PSMA1: variants seen among roughly 807,000 people sequenced by gnomAD.
PSMA1 encodes proteasome 20S subunit alpha 1, also known as proteasome subunit alpha type-1.
A neutral mutation model predicts 38.4 loss-of-function variants in PSMA1; 3 were observed. The ratio of observed to expected loss-of-function variants is 0.08; its 90% CI spans 0.04 to 0.20. PSMA1 has a LOEUF of 0.20. Ranked by LOEUF, PSMA1 falls within the 10% of genes least tolerant of loss-of-function variation. PSMA1 has a pLI of 1.00. For missense variants in PSMA1, 227 were observed against 325.3 expected, an observed-to-expected ratio of 0.70 and a Z score of 2.32; for synonymous variants, 101 against 107.1, an observed-to-expected ratio of 0.94 and a Z score of 0.35.
chr11:14,633,293 T>C (rs1307867247), intron 1 of PSMA1, among the ~76,000 whole-genome samples: 12 of 152,306 alleles, frequency 7.9e-5, no homozygotes, highest in African/African-American at 9.6e-5. Flanking sequence ...TCTTTGATGA[T>C]GGTGATGTAC....
chr11:14,575,261 T>C (rs1227620147), intron 2 of PSMA1, among the ~76,000 whole-genome samples: 1 of 152,164 alleles, frequency 6.6e-6, no homozygotes, highest in Non-Finnish European at 1.5e-5. Flanking sequence ...AAAAATTTAT[T>C]ATAGTTTAAT....
At chr11:14,527,274 C>G (rs1341591604) in intron 2 of PSMA1, among the ~76,000 whole-genome samples, 1 of 152,158 alleles carries the variant, frequency 6.6e-6, no homozygotes, top group African/African-American at 2.4e-5. Flanking sequence ...TTTTCTCCTT[C>G]TCATCAGTCA....
intron 8 of PSMA1, 150 bp downstream of exon 8, chr11:14,510,722 G>T: frequency 6.7e-6 from 3 of 447,124 alleles, no homozygotes; most frequent in Non-Finnish European, 1.2e-5. Flanking sequence ...AATAAAATTG[G>T]ATTACTTAGC....
chr11:14,635,446 G>A (rs1853102731), intron 1 of PSMA1, among the ~76,000 whole-genome samples: 1 of 152,312 alleles, frequency 6.6e-6, no homozygotes, highest in East Asian at 1.9e-4. Flanking sequence ...ATTGATGTTA[G>A]GTTAAGAACT....
intron 2 of PSMA1, among the ~76,000 whole-genome samples, chr11:14,594,459 A>C (rs552045556): frequency 2.6e-5 from 4 of 152,316 alleles, no homozygotes; most frequent in African/African-American, 9.6e-5. Flanking sequence ...TGTCTAGACC[A>C]AGACATGTAG....
At chr11:14,519,094 A>T in intron 1 of PSMA1, 53 bp from the exon 2 acceptor site, 1 of 1,349,946 alleles carries the variant, frequency 7.4e-7, no homozygotes, top group African/African-American at 1.5e-5. Context: ...TCAAATCCCA[A>T]CTCTTAACAT....
At chr11:14,609,614 C>T (rs1317702669) in intron 2 of PSMA1, among the ~76,000 whole-genome samples, 2 of 152,058 alleles carry the variant, frequency 1.3e-5, no homozygotes, top group East Asian at 1.9e-4. Flanking sequence ...AGCCATGTGC[C>T]TATGTAGTGA....
chr11:14,592,394 ATTT>A (rs757886405), intron 2 of PSMA1, among the ~76,000 whole-genome samples: 16,298 of 137,098 alleles, frequency 0.12, 1,085 homozygotes, highest in African/African-American at 0.19. Context: ...ATATATATAT[ATTT>A]TTTTTTTAGA....
At chr11:14,509,831 C>A (rs1402476868) in intron 8 of PSMA1, among the ~76,000 whole-genome samples, 1 of 150,150 alleles carries the variant, frequency 6.7e-6, no homozygotes, top group African/African-American at 2.5e-5. Flanking sequence ...TCACGCCATT[C>A]TCCTGCCTCA....
intron 2 of PSMA1, among the ~76,000 whole-genome samples, chr11:14,563,217 A>C (rs1211670818): frequency 6.6e-6 from 1 of 152,166 alleles, no homozygotes; most frequent in Non-Finnish European, 1.5e-5. Context: ...CCTGCTGACC[A>C]CTTGAGGAAA....
intron 2 of PSMA1, among the ~76,000 whole-genome samples, chr11:14,591,741 G>A (rs1431124247): frequency 6.6e-6 from 1 of 152,128 alleles, no homozygotes; most frequent in Non-Finnish European, 1.5e-5. Context: ...CTCAGGGATT[G>A]TAAAGGCACC....
At chr11:14,505,692 G>C (rs1851234117) in intron 9 of PSMA1, among the ~76,000 whole-genome samples, 1 of 152,054 alleles carries the variant, frequency 6.6e-6, no homozygotes, top group Admixed American at 6.6e-5. Context: ...TATGCCGAAT[G>C]CATAAAATAT....
intron 2 of PSMA1, among the ~76,000 whole-genome samples, chr11:14,595,488 T>C (rs1252162402): frequency 6.6e-6 from 1 of 152,264 alleles, no homozygotes; most frequent in East Asian, 1.9e-4. Flanking sequence ...TTGATTTGCA[T>C]TTCTCTGATG....
At chr11:14,513,981 T>C in intron 5 of PSMA1, 94 bp from the exon 6 acceptor site, 1 of 1,401,370 alleles carries the variant, frequency 7.1e-7, no homozygotes, top group Non-Finnish European at 9.3e-7. Flanking sequence ...TGGCTTATTC[T>C]TTAATTGTTG....
chr11:14,623,853 T>C (rs1852880880), intron 1 of PSMA1, among the ~76,000 whole-genome samples: 1 of 152,242 alleles, frequency 6.6e-6, no homozygotes, highest in Non-Finnish European at 1.5e-5. Flanking sequence ...ATCAATGCTG[T>C]TATATCACTA....
chr11:14,535,357 A>T lies in PSMA1; in HGVS notation c.22-16316T>A, dbSNP rs186116727. Among the ~76,000 whole-genome samples the T allele has an allele frequency of 3.3e-5, 5 of 152,282 alleles. No homozygotes were observed. In the East Asian group the frequency reaches 9.6e-4, roughly 29 times the overall value. On this transcript the variant is annotated intron_variant, in intron 2 of 10. Transcript: ENST00000418988. ...TGTTTAGAAATATTTTTTTCCAGAAATTAAGCAATTATTACAGACTGTCAT... is the reference window on the plus strand; with the variant it reads ...TGTTTAGAAATATTTTTTTCCAGAATTTAAGCAATTATTACAGACTGTCAT...
intron 2 of PSMA1, among the ~76,000 whole-genome samples, chr11:14,578,385 G>T (rs1433307903): frequency 1.3e-5 from 2 of 152,272 alleles, no homozygotes; most frequent in East Asian, 3.9e-4. Context: ...AAGCATCATT[G>T]TCAGTAGCTT....
intron 2 of PSMA1, among the ~76,000 whole-genome samples, chr11:14,604,844 T>C (rs1050777992): frequency 7.9e-5 from 12 of 152,338 alleles, no homozygotes; most frequent in African/African-American, 2.9e-4. Context: ...GTTAATTTGC[T>C]TAGGATAATG....
intron 4 of PSMA1, among the ~76,000 whole-genome samples, chr11:14,515,404 A>G (rs1221510440): frequency 6.6e-6 from 1 of 152,158 alleles, no homozygotes; most frequent in African/African-American, 2.4e-5. Flanking sequence ...TATATTGATT[A>G]TGTGTTGGCA....
Sources: gnomAD v4.1 joint callset for allele counts (sites outside exome capture counted in the v4.1 genomes callset) on GRCh38, gnomAD v4.1.1 for gene constraint, MANE v1.5 for transcripts, NCBI Gene and HGNC (gene_info 2026-07-23, HGNC 2026-07-21) for gene names.